The following AVEN variants were observed in gnomAD, a reference collection of about 807,000 sequenced individuals.
AVEN encodes the protein apoptosis and caspase activation inhibitor.
A neutral mutation model predicts 38.1 loss-of-function variants in AVEN; 41 were observed. The observed-to-expected ratio is 1.08, with a 90% confidence interval of 0.84 to 1.40. The LOEUF (loss-of-function observed/expected upper bound fraction) is 1.40, where lower values mean the gene tolerates loss of function less well. Ranked by LOEUF, AVEN falls within the 40% of genes most tolerant of loss-of-function variation. AVEN has a pLI of 0.00. For synonymous variants in AVEN, 206 were observed against 171.8 expected, an observed-to-expected ratio of 1.20 and a Z score of -1.56; for missense variants, 605 against 438.8, an observed-to-expected ratio of 1.38 and a Z score of -3.38.
chr15:33,857,667 T>C (rs930483218), downstream of AVEN: 3 of 1,359,342 alleles, frequency 2.2e-6, 1 homozygote, highest in East Asian at 2.3e-5. Flanking sequence ...CTTCCCCATT[T>C]CCTCTCCTTG....
At chr15:34,058,319 T>G (rs1223120950) in intron 5 of AVEN, among the ~76,000 whole-genome samples, 1 of 152,108 alleles carries the variant, frequency 6.6e-6, no homozygotes, top group Admixed American at 6.6e-5. Flanking sequence ...ATCACACTAT[T>G]GATAAATAAA....
At chr15:33,975,211 A>C (rs952435439) in intron 2 of AVEN, among the ~76,000 whole-genome samples, 3 of 152,162 alleles carry the variant, frequency 2.0e-5, no homozygotes, top group East Asian at 1.9e-4. Context: ...TGTTTGTTGT[A>C]ATTGTTCTGC....
At chr15:33,895,253 G>A (rs1332660765) in intron 2 of AVEN, among the ~76,000 whole-genome samples, 2 of 146,816 alleles carry the variant, frequency 1.4e-5, no homozygotes, top group Non-Finnish European at 3.0e-5. Flanking sequence ...CTGTTCTTCT[G>A]CAATGGTTTA....
chr15:33,978,223 C>T lies in AVEN; in HGVS notation c.445+24809G>A, dbSNP rs192456262. The stretch of plus-strand genomic sequence containing the variant: ...ACTGGCCGTTCTGAACAAAGTGACA[C>T]GTATTACTAATATTTCCTGAGCATC... On this transcript the variant is annotated intron_variant, in intron 2 of 5. Transcript: ENST00000306730. Among the ~76,000 whole-genome samples, 16 of 152,248 alleles carry T rather than the reference C, an allele frequency of 1.1e-4. No individual in the cohort carries two copies. In the East Asian group the frequency reaches 3.1e-3, roughly 29 times the overall value.
At chr15:34,048,045 G>A (rs1409465896) in intron 5 of AVEN, among the ~76,000 whole-genome samples, 2 of 135,834 alleles carry the variant, frequency 1.5e-5, no homozygotes, top group East Asian at 2.7e-4. Context: ...GTTTGTGTGT[G>A]TGTGTGTTTG....
intron 2 of AVEN, among the ~76,000 whole-genome samples, chr15:33,979,192 T>C (rs1896025729): frequency 6.6e-6 from 1 of 152,020 alleles, no homozygotes; most frequent in Non-Finnish European, 1.5e-5. Flanking sequence ...AAAATAAAAA[T>C]TGGAATTTAA....
intron 2 of AVEN, among the ~76,000 whole-genome samples, chr15:33,969,453 G>A (rs953808276): frequency 6.7e-6 from 1 of 150,122 alleles, no homozygotes; most frequent in Admixed American, 6.6e-5. Flanking sequence ...AGCCCTGAAT[G>A]GTGCATAAGA....
intron 1 of AVEN, among the ~76,000 whole-genome samples, chr15:34,038,322 A>G (rs892856148): frequency 6.6e-6 from 1 of 152,202 alleles, no homozygotes; most frequent in Non-Finnish European, 1.5e-5. Flanking sequence ...TTGCACAGAC[A>G]GTTAACAAAA....
intron 1 of AVEN, among the ~76,000 whole-genome samples, chr15:34,017,633 C>A (rs1186491649): frequency 6.6e-6 from 1 of 152,002 alleles, no homozygotes; most frequent in Non-Finnish European, 1.5e-5. Flanking sequence ...GTGCATGCCA[C>A]CACACCCAGC....
chr15:33,960,941 CTT>C (rs1895138359), intron 2 of AVEN, among the ~76,000 whole-genome samples: 1 of 152,198 alleles, frequency 6.6e-6, no homozygotes, highest in Admixed American at 6.5e-5. Flanking sequence ...AATATGAAGT[CTT>C]TACATAAATA....
At chr15:33,914,096 G>A (rs538011859) in intron 2 of AVEN, among the ~76,000 whole-genome samples, 1 of 152,120 alleles carries the variant, frequency 6.6e-6, no homozygotes, top group Non-Finnish European at 1.5e-5. Context: ...CATAGAAGGT[G>A]CTTACATTTG....
Position 33,860,420 on chromosome 15 carries a change from C to G in AVEN, n.2730-1326G>C, listed in dbSNP as rs539793754. Among the ~76,000 whole-genome samples the G allele has an allele frequency of 3.9e-5, 6 of 152,030 alleles. No homozygotes were observed. In the South Asian group the frequency reaches 6.2e-4, roughly 16 times the overall value. Reference sequence around the variant, plus strand: ...TGTAGAAAGGTAGAGTTAGGAGGAACAATGAGAAATTGTTAGCCAGGATGT... The same window carrying G: ...TGTAGAAAGGTAGAGTTAGGAGGAAGAATGAGAAATTGTTAGCCAGGATGT... On this transcript the variant is annotated intron_variant and non_coding_transcript_variant, in intron 11 of 11. Coordinates refer to the AVEN transcript ENST00000675287.
At chr15:34,039,835 TA>T (rs913522919), upstream of AVEN, among the ~76,000 whole-genome samples, 2 of 152,032 alleles carry the variant, frequency 1.3e-5, no homozygotes, top group African/African-American at 4.8e-5. Flanking sequence ...TTGGAAAGGT[TA>T]AAAAAAACTT....
chr15:33,928,955 A>G (rs1161934751), intron 2 of AVEN, among the ~76,000 whole-genome samples: 1 of 152,204 alleles, frequency 6.6e-6, no homozygotes, highest in Non-Finnish European at 1.5e-5. Context: ...TTCCTACTCT[A>G]GAGATGAGAA....
chr15:33,868,837 G>A (rs546959354), intron 4 of AVEN, among the ~76,000 whole-genome samples: 7 of 152,090 alleles, frequency 4.6e-5, no homozygotes, highest in Non-Finnish European at 8.8e-5. Context: ...GTCTTTATCC[G>A]GATGCTCATT....
chr15:33,886,464 G>A (rs1040686473), intron 2 of AVEN, among the ~76,000 whole-genome samples: 5 of 152,156 alleles, frequency 3.3e-5, no homozygotes, highest in African/African-American at 4.8e-5. Flanking sequence ...CACCACACTC[G>A]GCTAATTTTT....
chr15:33,960,772 C>G (rs551960808), intron 2 of AVEN, among the ~76,000 whole-genome samples: 1 of 152,206 alleles, frequency 6.6e-6, no homozygotes, highest in African/African-American at 2.4e-5. Context: ...TAACATTATT[C>G]CTTGATATGC....
At chr15:33,921,482 G>A (rs1206214087) in intron 2 of AVEN, among the ~76,000 whole-genome samples, 3 of 152,122 alleles carry the variant, frequency 2.0e-5, no homozygotes, top group Non-Finnish European at 4.4e-5. Context: ...AAAAGTCAAA[G>A]AAATAAGGAA....
exon 1 of AVEN, among the ~76,000 whole-genome samples, chr15:34,074,825 G>T (rs991424708): frequency 6.6e-6 from 1 of 152,094 alleles, no homozygotes; most frequent in African/African-American, 2.4e-5. Context: ...AACCAAGCAA[G>T]AAAAACACTT....
Sources: allele counts gnomAD v4.1 joint callset (sites outside exome capture counted in the v4.1 genomes callset), GRCh38; gene constraint gnomAD v4.1.1; transcripts MANE v1.5; gene names NCBI Gene and HGNC (gene_info 2026-07-23, HGNC 2026-07-21).